The following EIF3J variants were observed in gnomAD, a reference collection of about 807,000 sequenced individuals.
EIF3J encodes the protein eukaryotic translation initiation factor 3 subunit J.
A neutral mutation model predicts 39.0 loss-of-function variants in EIF3J; 15 were observed. That is an observed-to-expected ratio of 0.38 (90% CI 0.26 to 0.59). The LOEUF (loss-of-function observed/expected upper bound fraction) is 0.59. Among genes scored for constraint, EIF3J ranks in the 20% least tolerant of loss-of-function variants. EIF3J has a pLI of 0.60. For missense variants in EIF3J, 226 were observed against 308.6 expected (o/e 0.73, Z 2.00); for synonymous variants, 98 against 112.9 (o/e 0.87, Z 0.84).
chr15:44,544,248 C>A (rs1379364130), intron 2 of EIF3J, among the ~76,000 whole-genome samples: 3 of 151,626 alleles, frequency 2.0e-5, no homozygotes, highest in Non-Finnish European at 4.4e-5. Context: ...GTGCACACCA[C>A]CACGCCCTGC....
At chr15:44,542,638 G>C (rs1439213236) in intron 2 of EIF3J, among the ~76,000 whole-genome samples, 1 of 152,156 alleles carries the variant, frequency 6.6e-6, no homozygotes, top group Non-Finnish European at 1.5e-5. Flanking sequence ...AAAGTTTTCT[G>C]CTTTGCTTCT....
chr15:44,547,437 A>G, intron 2 of EIF3J, among the ~76,000 whole-genome samples: 1 of 118,490 alleles, frequency 8.4e-6, no homozygotes, highest in East Asian at 2.9e-4. Flanking sequence ...GCCGGCCTTG[A>G]TTCTTTTTTT....
intron 2 of EIF3J, among the ~76,000 whole-genome samples, chr15:44,548,273 G>A (rs138869138): frequency 1.5e-4 from 23 of 152,162 alleles, no homozygotes; most frequent in African/African-American, 5.5e-4. Context: ...AAATTAGCCC[G>A]GCATGATGGT....
At chr15:44,558,592 C>T (rs1211853337) in intron 6 of EIF3J, 1 of 152,116 alleles carries the variant, frequency 6.6e-6, no homozygotes, top group African/African-American at 2.4e-5. Flanking sequence ...GCGCCTGCCA[C>T]CACGCCCGGC....
rs1022117646 is a variant in EIF3J at position 44,547,440 on chromosome 15, C to T, written c.148-3436C>T. 4.3e-3 allele frequency among the ~76,000 whole-genome samples: 398 copies of T among 92,432 alleles called. 2 individuals carry two copies. The highest frequency in any genetic ancestry group is 0.013 in the East Asian group (34 of 2,690). 60.6% of individuals were successfully genotyped at this position (92,432 alleles called of 152,430 possible). A position where few individuals can be genotyped will look rare whatever the true frequency, so the allele number is the denominator to read the frequency against. ...TTACAGGCGTAAGCCGGCCTTGATT[C>T]TTTTTTTTTTTTTTTTTTTTTTTTG... On this transcript the variant is annotated intron_variant, in intron 2 of 7. Transcript: ENST00000261868.
intron 2 of EIF3J, among the ~76,000 whole-genome samples, chr15:44,548,532 G>A (rs2082072608): frequency 6.6e-6 from 1 of 152,166 alleles, no homozygotes; most frequent in Non-Finnish European, 1.5e-5. Flanking sequence ...TTAGTATATG[G>A]TAAGTCACAA....
chr15:44,555,997 C>T (rs1212906604), intron 5 of EIF3J, among the ~76,000 whole-genome samples: 2 of 152,086 alleles, frequency 1.3e-5, no homozygotes, highest in Non-Finnish European at 2.9e-5. Context: ...GCTGGGACTA[C>T]AGGCGCATGC....
intron 4 of EIF3J, 86 bp downstream of exon 4, chr15:44,551,608 A>G (rs1415451218): frequency 9.5e-7 from 1 of 1,055,280 alleles, no homozygotes; most frequent in Non-Finnish European, 1.4e-6. Flanking sequence ...TAGGAATTTG[A>G]AGGGCTCTGT....
chr15:44,559,485 C>T (rs1375008204), intron 6 of EIF3J, among the ~76,000 whole-genome samples: 3 of 151,308 alleles, frequency 2.0e-5, no homozygotes, highest in Admixed American at 6.6e-5. Flanking sequence ...CCGAGGCAGG[C>T]GGATCACGTC....
intron 5 of EIF3J, among the ~76,000 whole-genome samples, chr15:44,556,659 A>G (rs1280573291): frequency 6.6e-6 from 1 of 152,022 alleles, no homozygotes; most frequent in Non-Finnish European, 1.5e-5. Flanking sequence ...GATACATGCC[A>G]CCACCATGCC....
At chr15:44,550,174 G>T (rs2082087640) in intron 2 of EIF3J, among the ~76,000 whole-genome samples, 1 of 152,290 alleles carries the variant, frequency 6.6e-6, no homozygotes, top group Non-Finnish European at 1.5e-5. Context: ...TTTGTTTGCA[G>T]ATAAGGTAGC....
chr15:44,543,206 A>G (rs972754117), intron 2 of EIF3J, among the ~76,000 whole-genome samples: 2 of 152,166 alleles, frequency 1.3e-5, no homozygotes, highest in Non-Finnish European at 1.5e-5. Context: ...TTTTGCTTTT[A>G]TAATTACATC....
chr15:44,537,682 G>A (rs955306849), intron 2 of EIF3J, among the ~76,000 whole-genome samples: 8 of 152,248 alleles, frequency 5.3e-5, no homozygotes, highest in African/African-American at 1.7e-4. Flanking sequence ...GCGACGAAAG[G>A]TGACAGCATC....
At position 44,561,304 on chromosome 15, in the gene EIF3J, G is replaced by A. The variant is rs770546654; in HGVS notation, c.*155G>A. 2.8e-5 allele frequency: 23 copies of A among 827,912 alleles called. No individual in the cohort carries two copies. Among genetic ancestry groups the A allele is most frequent in the Non-Finnish European group, 3.3e-5 (19 of 576,010 alleles). 51.3% of individuals were successfully genotyped at this position (827,912 alleles called of 1,614,324 possible). ...AACCCCTTGACACTTAGGTGCTAAT[G>A]TGCAAATGAGGGAACTTGGATCTTG... On this transcript the variant is annotated 3_prime_UTR_variant, in exon 8 of 8. Transcript: ENST00000261868.
chr15:44,551,380 T>C (rs377638844), intron 3 of EIF3J, 51 bp from the exon 4 acceptor site: 19 of 1,216,426 alleles, frequency 1.6e-5, no homozygotes, highest in Non-Finnish European at 2.1e-5. Context: ...GTCTCATCCA[T>C]AAACTGGAAA....
chr15:44,562,250 A>C lies in EIF3J; in HGVS notation c.*1101A>C, dbSNP rs2082206800. 1 of 152,626 alleles carries C rather than the reference A, an allele frequency of 6.6e-6. No individual in the cohort carries two copies. Among genetic ancestry groups the C allele is most frequent in the African/African-American group, 2.4e-5 (1 of 41,460 alleles). The allele number at this position is 152,626 out of a possible 1,614,324, so 9.5% of individuals were successfully genotyped here. Reference sequence around the variant, plus strand: ...GGTCCTTATGTTGTCACCATAGAGCAACAAAGGTATAGGGCTGCCTTCCTC... The same window carrying C: ...GGTCCTTATGTTGTCACCATAGAGCCACAAAGGTATAGGGCTGCCTTCCTC... On this transcript the variant is annotated 3_prime_UTR_variant, in exon 8 of 8. Transcript: ENST00000261868.
chr15:44,554,703 C>G (rs1370556137), intron 5 of EIF3J, 36 bp downstream of exon 5: 1 of 1,411,098 alleles, frequency 7.1e-7, no homozygotes, highest in Admixed American at 1.9e-5. Flanking sequence ...CAGTATTAAA[C>G]TGTTACAGGT....
At chr15:44,542,344 T>C (rs1219337032) in intron 2 of EIF3J, among the ~76,000 whole-genome samples, 3 of 152,180 alleles carry the variant, frequency 2.0e-5, no homozygotes, top group Non-Finnish European at 4.4e-5. Context: ...TTTTTTTTCT[T>C]TCCCAGCAAG....
At chr15:44,540,128 G>C (rs1485781338) in intron 2 of EIF3J, among the ~76,000 whole-genome samples, 2 of 148,998 alleles carry the variant, frequency 1.3e-5, no homozygotes, top group African/African-American at 4.9e-5. Context: ...TAGTAGAGAC[G>C]GGGTTTCACC....
Sources: allele counts gnomAD v4.1 joint callset (sites outside exome capture counted in the v4.1 genomes callset), GRCh38; gene constraint gnomAD v4.1.1; transcripts MANE v1.5; gene names NCBI Gene and HGNC (gene_info 2026-07-23, HGNC 2026-07-21).